The following SLC9B1 variants were observed in gnomAD, a reference collection of about 807,000 sequenced individuals.
The protein encoded by SLC9B1 is sodium/hydrogen exchanger 9B1.
In SLC9B1, 32 loss-of-function variants were observed where a neutral mutation model predicts 51.7. That is an observed-to-expected ratio of 0.62 (90% CI 0.47 to 0.83). The LOEUF (loss-of-function observed/expected upper bound fraction) is 0.83. SLC9B1 is among the 40% of genes least tolerant of loss of function. SLC9B1 has a pLI of 0.00. For missense variants in SLC9B1, 406 were observed against 613.2 expected (o/e 0.66, Z 3.57); for synonymous variants, 145 against 212.7 (o/e 0.68, Z 2.77).
At chr4:102,976,640 A>T (rs1168462183) in intron 3 of SLC9B1, among the ~76,000 whole-genome samples, 1 of 152,256 alleles carries the variant, frequency 6.6e-6, no homozygotes, top group Non-Finnish European at 1.5e-5. Flanking sequence ...TTCTTGAAAG[A>T]TGAAATTTCA....
intron 6 of SLC9B1, among the ~76,000 whole-genome samples, chr4:102,938,557 A>G (rs979326956): frequency 7.2e-5 from 11 of 152,290 alleles, no homozygotes; most frequent in African/African-American, 2.6e-4. Flanking sequence ...CCACCCAACA[A>G]CAACAGAATA....
chr4:102,991,745 G>T, intron 1 of SLC9B1, 33 bp from the exon 2 acceptor site: 1 of 1,409,380 alleles, frequency 7.1e-7, no homozygotes, highest in African/African-American at 1.4e-5. Flanking sequence ...TTTAAAAGAA[G>T]AAACAAGACT....
chr4:102,940,189 T>C (rs1380262045), intron 6 of SLC9B1, among the ~76,000 whole-genome samples: 3 of 152,144 alleles, frequency 2.0e-5, no homozygotes, highest in Non-Finnish European at 4.4e-5. Context: ...CAAAAATCTG[T>C]AGCATTTCTA....
intron 9 of SLC9B1, among the ~76,000 whole-genome samples, chr4:102,910,053 G>A (rs975895203): frequency 3.9e-5 from 6 of 152,138 alleles, no homozygotes; most frequent in Admixed American, 3.3e-4. Context: ...GACCCCACGC[G>A]ATCTGTCCGC....
At chr4:102,930,750 G>A (rs1220198840) in intron 7 of SLC9B1, among the ~76,000 whole-genome samples, 3 of 151,968 alleles carry the variant, frequency 2.0e-5, no homozygotes, top group Non-Finnish European at 4.4e-5. Context: ...GCACAACTAA[G>A]TATTATTTTA....
At chr4:102,923,457 T>C (rs1433673730) in intron 7 of SLC9B1, among the ~76,000 whole-genome samples, 1 of 152,160 alleles carries the variant, frequency 6.6e-6, no homozygotes, top group Non-Finnish European at 1.5e-5. Context: ...GCCAATATCA[T>C]ACTGAATGGA....
chr4:102,895,339 T>C (rs1734484804), intron 11 of SLC9B1, among the ~76,000 whole-genome samples: 1 of 151,932 alleles, frequency 6.6e-6, no homozygotes, highest in South Asian at 2.1e-4. Context: ...CGTACATAAA[T>C]GGAGACAGGA....
intron 6 of SLC9B1, among the ~76,000 whole-genome samples, chr4:102,940,801 A>G (rs987139176): frequency 2.0e-5 from 3 of 152,214 alleles, no homozygotes; most frequent in Non-Finnish European, 4.4e-5. Flanking sequence ...AACAGGTTAC[A>G]GAACGCAGAA....
intron 6 of SLC9B1, among the ~76,000 whole-genome samples, chr4:102,942,483 T>C (rs553870420): frequency 1.3e-5 from 2 of 152,226 alleles, no homozygotes; most frequent in South Asian, 4.2e-4. Flanking sequence ...AATAGGCACA[T>C]AGACCAATGG....
At chr4:102,927,225 G>T (rs1170741269) in intron 7 of SLC9B1, among the ~76,000 whole-genome samples, 1 of 152,198 alleles carries the variant, frequency 6.6e-6, no homozygotes, top group Non-Finnish European at 1.5e-5. Context: ...AATAGTAATG[G>T]CAACAGAAGC....
chr4:102,918,175 A>T (rs1366809877), intron 7 of SLC9B1, among the ~76,000 whole-genome samples: 1 of 151,896 alleles, frequency 6.6e-6, no homozygotes, highest in Non-Finnish European at 1.5e-5. Flanking sequence ...ATATTTAAGA[A>T]AAAAAATAAA....
Position 103,018,826 on chromosome 4 carries a change from G to A in SLC9B1, c.-2+773C>T, listed in dbSNP as rs77986020. 3.2e-3 allele frequency among the ~76,000 whole-genome samples: 488 copies of A among 152,296 alleles called. 5 individuals carry two copies. The highest frequency in any genetic ancestry group is 0.017 in the Middle Eastern group (5 of 294). ...GGCAGCAGACAGGTACAGGTTTGTG[G>A]CCTATTAGGAACAGGCCACACAGCA... On this transcript the variant is annotated intron_variant, in intron 1 of 11. Coordinates refer to ENST00000296422, the MANE Select transcript of SLC9B1 (RefSeq NM_139173.4).
At chr4:103,009,385 T>A (rs1438806078) in intron 1 of SLC9B1, among the ~76,000 whole-genome samples, 2 of 152,238 alleles carry the variant, frequency 1.3e-5, no homozygotes, top group Non-Finnish European at 2.9e-5. Context: ...TAAATGTGGA[T>A]GATTTACTTT....
intron 1 of SLC9B1, among the ~76,000 whole-genome samples, chr4:103,015,378 C>G (rs953903627): frequency 6.6e-6 from 1 of 151,608 alleles, no homozygotes; most frequent in African/African-American, 2.4e-5. Context: ...AACTGTTTCA[C>G]AGTAAAATGG....
intron 4 of SLC9B1, among the ~76,000 whole-genome samples, chr4:102,946,991 G>A (rs1737299259): frequency 6.6e-6 from 1 of 152,180 alleles, no homozygotes; most frequent in Non-Finnish European, 1.5e-5. Flanking sequence ...GTAAGTTAGT[G>A]TTGCTGGAAC....
chr4:102,891,487 T>C (rs1734246535), intron 11 of SLC9B1: 1 of 152,212 alleles, frequency 6.6e-6, no homozygotes, highest in African/African-American at 2.4e-5. Context: ...AAGTGATGTT[T>C]AGTGATGAAT....
chr4:103,008,796 TC>T lies in SLC9B1; in HGVS notation c.-2+10802del, dbSNP rs1291954025. Among the ~76,000 whole-genome samples, 615 of 99,934 alleles carry T rather than the reference TC, an allele frequency of 6.2e-3. 6 individuals carry two copies. The highest frequency in any genetic ancestry group is 0.042 in the East Asian group (152 of 3,624). The allele number at this position is 99,934 out of a possible 152,430, so 65.6% of individuals were successfully genotyped here. A position where few individuals can be genotyped will look rare whatever the true frequency, so the allele number is the denominator to read the frequency against. On this transcript the variant is annotated intron_variant, in intron 1 of 11. Coordinates refer to ENST00000296422, the MANE Select transcript of SLC9B1 (RefSeq NM_139173.4). ...AGATGATCTAAGGGCTTTAACAGTTTCTTTTTTTTTTTTTTTTTTTTGAGAC... is the reference window on the plus strand; with the variant it reads ...AGATGATCTAAGGGCTTTAACAGTTTTTTTTTTTTTTTTTTTTTTTGAGAC...
At chr4:102,966,101 G>A (rs1456503052) in intron 3 of SLC9B1, among the ~76,000 whole-genome samples, 1 of 152,208 alleles carries the variant, frequency 6.6e-6, no homozygotes, top group Non-Finnish European at 1.5e-5. Context: ...GCTTTTCCAG[G>A]CTGAGGTTGT....
At chr4:102,948,325 TAC>T (rs375091561) in intron 4 of SLC9B1, among the ~76,000 whole-genome samples, 3,037 of 127,408 alleles carry the variant, frequency 0.024, 59 homozygotes, top group African/African-American at 0.058. Context: ...GGCAAAGCCA[TAC>T]ACACACACAC....
Sources: gnomAD v4.1 joint callset for allele counts (sites outside exome capture counted in the v4.1 genomes callset) on GRCh38, gnomAD v4.1.1 for gene constraint, MANE v1.5 for transcripts, NCBI Gene and HGNC (gene_info 2026-07-23, HGNC 2026-07-21) for gene names.